Variants in EZH2 observed in about 807,000 individuals in gnomAD.
EZH2 encodes the protein enhancer of zeste 2 polycomb repressive complex 2 subunit, also known as histone-lysine N-methyltransferase EZH2.
Under a neutral mutation model 98.4 loss-of-function variants are expected in EZH2, and 18 were observed. The observed-to-expected ratio is 0.18, with a 90% CI of 0.13 to 0.27. EZH2 has a LOEUF of 0.27. EZH2 is among the 10% of genes least tolerant of loss of function. The pLI, the probability that EZH2 is intolerant of heterozygous loss-of-function variation, is 1.00. For synonymous variants in EZH2, 338 were observed against 312.3 expected, an observed-to-expected ratio of 1.08 and a Z score of -0.87; for missense variants, 470 against 935.1, an observed-to-expected ratio of 0.50 and a Z score of 6.49.
intron 1 of EZH2, among the ~76,000 whole-genome samples, chr7:148,852,713 A>T (rs1291432543): frequency 2.0e-5 from 3 of 152,222 alleles, no homozygotes; most frequent in Non-Finnish European, 4.4e-5. Flanking sequence ...GCCAAGAAAG[A>T]ACTGTAGTCT....
chr7:148,817,601 C>G (rs192545933), intron 10 of EZH2: 5 of 661,608 alleles, frequency 7.6e-6, no homozygotes, highest in African/African-American at 3.6e-5. Flanking sequence ...TTTCATTATT[C>G]CCTACCTGAG....
rs994136027 is a variant in EZH2 at position 148,813,349 on chromosome 7, C to T, written c.1851+610G>A. Among the ~76,000 whole-genome samples, 4 of 151,058 alleles carry T rather than the reference C, an allele frequency of 2.6e-5. No individual in the cohort carries two copies. The South Asian group carries it at 8.4e-4, about 32-fold the overall frequency. On this transcript the variant is annotated intron_variant, in intron 15 of 19. Transcript: ENST00000320356. ...CTGCCCTAAAAAAAAAAAAAAGATACGAAATTTCCCAAATACATGCTGCTG... is the reference window on the plus strand; with the variant it reads ...CTGCCCTAAAAAAAAAAAAAAGATATGAAATTTCCCAAATACATGCTGCTG...
At chr7:148,818,628 C>A (rs1365521155) in intron 9 of EZH2, among the ~76,000 whole-genome samples, 1 of 152,138 alleles carries the variant, frequency 6.6e-6, no homozygotes, top group East Asian at 1.9e-4. Context: ...GACTTTGTCA[C>A]TTCCTGTCTT....
intron 1 of EZH2, among the ~76,000 whole-genome samples, chr7:148,881,375 A>T (rs954716142): frequency 2.6e-5 from 4 of 152,218 alleles, no homozygotes; most frequent in Non-Finnish European, 4.4e-5. Flanking sequence ...TTAAATGGCC[A>T]ACATAAAGAT....
In EZH2 at chr7:148,808,974, C is replaced by CA. The variant is rs1256629180; in HGVS notation, c.2195+96dup. 5 of 950,500 alleles carry CA rather than the reference C, an allele frequency of 5.3e-6. No homozygotes were observed. The East Asian group carries it at 1.2e-4, about 23-fold the overall frequency. 58.9% of individuals were successfully genotyped at this position (950,500 alleles called of 1,614,324 possible). A position where few individuals can be genotyped will look rare whatever the true frequency, so the allele number is the denominator to read the frequency against. ...TAATGCTCATGGCAAAGTGACCCATCAAAAGAAGCAAAGAACTAAAAACCC... is the reference window on the plus strand; with the variant it reads ...TAATGCTCATGGCAAAGTGACCCATCAAAAAGAAGCAAAGAACTAAAAACCC... On this transcript the variant is annotated intron_variant, in intron 19 of 19. Transcript: ENST00000320356.
chr7:148,830,809 G>C (rs1391817539), intron 4 of EZH2, among the ~76,000 whole-genome samples: 1 of 152,182 alleles, frequency 6.6e-6, no homozygotes, highest in East Asian at 1.9e-4. Context: ...ACATTCATAG[G>C]AGGAAGAGCA....
intron 3 of EZH2, chr7:148,836,737 G>A (rs796569767): frequency 9.5e-6 from 4 of 419,700 alleles, no homozygotes; most frequent in South Asian, 1.9e-5. Context: ...GGGGGGACTA[G>A]AATCATTACC....
In EZH2 at chr7:148,807,534, T is replaced by C; in HGVS notation, c.*112A>G. 1 of 872,704 alleles carries C rather than the reference T, an allele frequency of 1.1e-6. No individual in the cohort carries two copies. The highest frequency in any genetic ancestry group is 1.9e-6 in the Non-Finnish European group (1 of 537,730). The allele number at this position is 872,704 out of a possible 1,614,324, so 54.1% of individuals were successfully genotyped here. ...TACTATAAATTATTCTTACAGTACT[T>C]TGCAAATTCAGAATTTCAAACTGCA... On this transcript the variant is annotated 3_prime_UTR_variant, in exon 20 of 20. Transcript: ENST00000320356.
Position 148,846,838 on chromosome 7 carries a change from CTGTG to C in EZH2, c.118-244_118-241del, listed in dbSNP as rs59597308. Among the ~76,000 whole-genome samples, 26,449 of 134,766 alleles carry C rather than the reference CTGTG, an allele frequency of 0.2. 2,591 individuals are homozygous for C. Among genetic ancestry groups the C allele is most frequent in the Non-Finnish European group, 0.23 (14,844 of 63,340 alleles). The allele number at this position is 134,766 out of a possible 152,430, so 88.4% of individuals were successfully genotyped here. ...ACGATTGCCATCCTTTCTTTGTTGA[CTGTG>C]TGTGTGTGTGTGTGTGTGTGTGTGT... On this transcript the variant is annotated intron_variant, in intron 2 of 19. Coordinates refer to ENST00000320356, the MANE Select transcript of EZH2 (RefSeq NM_004456.5).
intron 19 of EZH2, 113 bp from the exon 20 acceptor site, chr7:148,807,819 A>C (rs1207391070): frequency 1.9e-6 from 1 of 520,790 alleles, no homozygotes; most frequent in South Asian, 2.6e-5. Context: ...GTCTTTAAAA[A>C]AAAAAAAAAA....
chr7:148,823,465 G>A (rs1391819126), intron 8 of EZH2, among the ~76,000 whole-genome samples: 1 of 152,092 alleles, frequency 6.6e-6, no homozygotes, highest in Non-Finnish European at 1.5e-5. Context: ...AAGCCTGAAT[G>A]CTATGCCACC....
intron 4 of EZH2, among the ~76,000 whole-genome samples, chr7:148,832,260 G>A (rs2129477922): frequency 6.6e-6 from 1 of 152,056 alleles, no homozygotes; most frequent in Middle Eastern, 3.4e-3. Flanking sequence ...CTTTTGTTTT[G>A]AGGACACAGC....
intron 8 of EZH2, among the ~76,000 whole-genome samples, chr7:148,824,387 G>A (rs1248308921): frequency 6.6e-6 from 1 of 150,864 alleles, no homozygotes; most frequent in East Asian, 1.9e-4. Flanking sequence ...AGTCAATGAT[G>A]GACCGCATAT....
At chr7:148,858,192 T>C (rs1381355827) in intron 1 of EZH2, among the ~76,000 whole-genome samples, 3 of 151,618 alleles carry the variant, frequency 2.0e-5, no homozygotes, top group African/African-American at 7.3e-5. Context: ...CTCGGGAGGC[T>C]GAGGCAGGAG....
At chr7:148,815,416 C>A (rs1804282993) in intron 13 of EZH2, 90 bp downstream of exon 13, 2 of 1,351,892 alleles carry the variant, frequency 1.5e-6, no homozygotes, top group South Asian at 1.2e-5. Flanking sequence ...TTAGAATAAC[C>A]CAAGCTCTAA....
intron 1 of EZH2, among the ~76,000 whole-genome samples, chr7:148,864,068 G>C (rs1009992869): frequency 6.6e-6 from 1 of 152,208 alleles, no homozygotes; most frequent in African/African-American, 2.4e-5. Flanking sequence ...AAAGGCAAAG[G>C]AAAGTTATAC....
chr7:148,827,107 A>G, intron 7 of EZH2, 57 bp downstream of exon 7: 1 of 1,352,720 alleles, frequency 7.4e-7, no homozygotes, highest in Admixed American at 2.1e-5. Context: ...TAATAAACCA[A>G]AATGGTGAGT....
intron 3 of EZH2, among the ~76,000 whole-genome samples, chr7:148,843,504 T>G (rs1813037497): frequency 6.6e-6 from 1 of 151,844 alleles, no homozygotes; most frequent in Non-Finnish European, 1.5e-5. Context: ...TCCGACATTC[T>G]TTACCAAAAT....
chr7:148,827,288 G>A lies in EZH2; in HGVS notation c.626-22C>T, dbSNP rs760419019. Reference sequence around the variant, plus strand: ...TTATCTAAACAGGAGAATATGAAAGGAAAAAAAGAATGGAAGTAAACAAGT... The same window carrying A: ...TTATCTAAACAGGAGAATATGAAAGAAAAAAAAGAATGGAAGTAAACAAGT... On this transcript the variant is annotated intron_variant, in intron 6 of 19. Transcript: ENST00000320356. The A allele has an allele frequency of 1.5e-5, 24 of 1,558,940 alleles. No homozygotes were observed. In the African/African-American group the frequency reaches 1.7e-4, roughly 11 times the overall value.
Sources: allele counts gnomAD v4.1 joint callset (sites outside exome capture counted in the v4.1 genomes callset), GRCh38; gene constraint gnomAD v4.1.1; transcripts MANE v1.5; gene names NCBI Gene and HGNC (gene_info 2026-07-23, HGNC 2026-07-21).